FLG: variants seen among roughly 807,000 people sequenced by gnomAD.
FLG encodes the protein epidermal filaggrin.
A neutral mutation model predicts 3.8 loss-of-function variants in FLG; 6 were observed. That is an observed-to-expected ratio of 1.60 (90% confidence interval 0.87 to 3.15). FLG has a LOEUF of 3.15. FLG is among the 30% of genes most tolerant of loss of function. The pLI, the probability that FLG is intolerant of heterozygous loss-of-function variation, is 0.00. For missense variants in FLG, 7,595 were observed against 5,050.9 expected (o/e 1.50, Z -15.27); for synonymous variants, 2,551 against 1,931.6 (o/e 1.32, Z -8.41).
In FLG at chr1:152,307,117, T is replaced by A. The variant is rs1034363980; in HGVS notation, c.7769A>T (p.Asn2590Ile). ...SERWSGSASR[N>I]HHGSAQEQLR... ...CTGCTCCTGAGCAGATCCATGATGG[T>A]TTCTGGAAGCAGACCCAGACCACCT... Residue 2590 changes from asparagine (N) to isoleucine (I), a missense_variant, in exon 3 of 3, where the codon AAC becomes ATC. Coordinates refer to ENST00000368799, the MANE Select transcript of FLG (RefSeq NM_002016.2). The A allele has an allele frequency of 5.6e-6, 9 of 1,611,316 alleles. No homozygotes were observed. The highest frequency in any genetic ancestry group is 7.6e-6 in the Non-Finnish European group (9 of 1,179,782).
rs1438535752 is a variant in FLG at position 152,310,712 on chromosome 1, C to T, written c.4174G>A (p.Gly1392Ser). Residue 1392 changes from glycine to serine, a missense_variant, in exon 3 of 3, where the codon GGT becomes AGT. Physicochemically the swap from Gly to Ser is moderately conservative, Grantham distance 56 (BLOSUM62 0). Coordinates refer to ENST00000368799, the MANE Select transcript of FLG (RefSeq NM_002016.2). ...VRDSGHRGSS[G>S]SQVTNSEGHS... ...CCCTCACTGTTAGTGACCTGACTAC[C>T]ACTGGACCCTCGGTGTCCACTGTCT... 1 of 1,614,072 alleles carries T rather than the reference C, an allele frequency of 6.2e-7. No individual in the cohort carries two copies. The highest frequency in any genetic ancestry group is 1.7e-5 in the Admixed American group (1 of 60,020).
In FLG at chr1:152,310,501, G is replaced by A. The variant is rs1652328871; in HGVS notation, c.4385C>T (p.Thr1462Ile). The A allele has an allele frequency of 1.9e-6, 3 of 1,613,856 alleles. No individual in the cohort carries two copies. Among genetic ancestry groups the A allele is most frequent in the African/African-American group, 1.3e-5 (1 of 74,948 alleles). The change falls in exon 3 of 3, where the codon ACT (threonine) becomes ATT (isoleucine). Residue 1462 changes from threonine (T) to isoleucine (I), a missense_variant. Transcript: ENST00000368799. ...ATGGCGGGATCCTTGTCTTCCTCCA[G>A]TGCTGGGTGCAGTCTGTCCGTGTGT... ...ESTHGQTAPS[T>I]GGRQGSRHEQ... is the part of the protein sequence containing the mutation.
In FLG at chr1:152,312,336, T is replaced by C. The variant is rs891716066; in HGVS notation, c.2550A>G (p.Arg850=). 1 of 1,612,612 alleles carries C rather than the reference T, an allele frequency of 6.2e-7. No individual in the cohort carries two copies. The highest frequency in any genetic ancestry group is 8.5e-7 in the Non-Finnish European group (1 of 1,179,726). ...GCTCGTGGTGGGACCCCTGCCTTCC[T>C]CTTCTGCTTGACCCCGGGTGTCCAC... ...TIRGHPGSSR[R]GRQGSHHEQS... The change falls in exon 3 of 3, where the codon AGA becomes AGG. Residue 850 remains arginine (R), a synonymous_variant. Coordinates refer to ENST00000368799, the MANE Select transcript of FLG (RefSeq NM_002016.2).
In FLG at chr1:152,304,719, C is replaced by A. The variant is rs761102038; in HGVS notation, c.10167G>T (p.Gln3389His). ...RSGRSGSFLY[Q>H]VSTHEQSESA... ...ACTCAGACTGTTCATGAGTGCTCACCTGGTAGAGGAAAGACCCTGAACGTC... is the reference window on the plus strand; with the variant it reads ...ACTCAGACTGTTCATGAGTGCTCACATGGTAGAGGAAAGACCCTGAACGTC... The change falls in exon 3 of 3, where the codon CAG becomes CAT. Residue 3389 changes from glutamine (Q) to histidine (H), a missense_variant. Coordinates refer to ENST00000368799, the MANE Select transcript of FLG (RefSeq NM_002016.2). 3.1e-6 allele frequency: 5 copies of A among 1,613,304 alleles called. No homozygotes were observed. In the South Asian group the frequency reaches 5.5e-5, roughly 18 times the overall value.
rs77032592 is a variant in FLG at position 152,312,526 on chromosome 1, G to A, written c.2360C>T (p.Ser787Phe). Residue 787 changes from serine to phenylalanine, a missense_variant, in exon 3 of 3, where the codon TCT (serine) becomes TTT (phenylalanine). Ser to Phe is a radical substitution (Grantham distance 155). Transcript: ENST00000368799. ...ESARDRSGER[S>F]RRSGSFLYQV... ...GTAGAGGAAAGACCCTGAACGTCGA[G>A]ACCTTTCCCCTGACCGGTCACGTGC... is the stretch of plus-strand genomic sequence containing the variant. The A allele has an allele frequency of 1.8e-3, 2,915 of 1,613,590 alleles. 63 individuals are homozygous for A. In the African/African-American group the frequency reaches 0.035, roughly 19 times the overall value.
rs778425884 is a variant in FLG, at chr1:152,310,585, C to G, written c.4301G>C (p.Ser1434Thr). ...KESARGQSGE[S>T]SGRSRSFLYQ... Reference sequence around the variant, plus strand: ...GAGGAAAGACCTTGAACGTCCAGAGCTTTCCCCTGACTGGCCACGTGCGGA... The same window carrying G: ...GAGGAAAGACCTTGAACGTCCAGAGGTTTCCCCTGACTGGCCACGTGCGGA... Residue 1434 changes from serine to threonine, a missense_variant, in exon 3 of 3, where the codon AGC becomes ACC. Coordinates refer to ENST00000368799, the MANE Select transcript of FLG (RefSeq NM_002016.2). The G allele has an allele frequency of 5.0e-6, 8 of 1,613,992 alleles. No individual in the cohort carries two copies. The East Asian group carries it at 1.1e-4, about 22-fold the overall frequency.
intron 1 of FLG, among the ~76,000 whole-genome samples, chr1:152,317,860 C>T (rs887057980): frequency 6.6e-6 from 1 of 151,980 alleles, no homozygotes; most frequent in African/African-American, 2.4e-5. Context: ...AAAAATGTCG[C>T]ACACCCGTTA....
rs768072329 is a variant in FLG at position 152,305,059 on chromosome 1, G to A, written c.9827C>T (p.Thr3276Ile). Reference sequence around the variant, plus strand: ...ACCAGAGGAAGTCTCTGCGTGACGAGTGCCTGATTGTCTGGAGCGGTCTGC... The same window carrying A: ...ACCAGAGGAAGTCTCTGCGTGACGAATGCCTGATTGTCTGGAGCGGTCTGC... ...HSADRSRQSG[T>I]RHAETSSGGQ... The change falls in exon 3 of 3, where the codon ACT becomes ATT. Residue 3276 changes from threonine to isoleucine, a missense_variant. Transcript: ENST00000368799. 4 of 1,613,866 alleles carry A rather than the reference G, an allele frequency of 2.5e-6. No individual in the cohort carries two copies. Among genetic ancestry groups the A allele is most frequent in the Non-Finnish European group, 3.4e-6 (4 of 1,180,010 alleles).
chr1:152,305,249 A>T lies in FLG; in HGVS notation c.9637T>A (p.Ser3213Thr), dbSNP rs1386559420. 6.8e-6 allele frequency: 11 copies of T among 1,612,178 alleles called. No individual in the cohort carries two copies. The highest frequency in any genetic ancestry group is 1.3e-5 in the African/African-American group (1 of 74,428). ...CTGTCACTGTCCTGGCTCACACTGG[A>T]TCCCTGGCGCCTGCTTCTCCTGGAC... ...EGSRRSRRQG[S>T]SVSQDSDSEG... is the part of the protein sequence containing the mutation. Residue 3213 changes from serine to threonine, a missense_variant, in exon 3 of 3, where the codon TCC becomes ACC. Physicochemically the swap from Ser to Thr is moderately conservative, Grantham distance 58. Coordinates refer to ENST00000368799, the MANE Select transcript of FLG (RefSeq NM_002016.2).
rs752137913 is a variant in FLG at position 152,307,498 on chromosome 1, T to C, written c.7388A>G (p.His2463Arg). ...TCCACTGCTTGACCCCGGGTGTCCA[T>C]GAATGGTGTCCTGACCCTCTTGGGA... is the stretch of plus-strand genomic sequence containing the variant. Reference protein sequence around the residue: ...STSQEGQDTIHGHPGSSSGGR... With the variant: ...STSQEGQDTIRGHPGSSSGGR... Residue 2463 changes from histidine to arginine, a missense_variant, in exon 3 of 3, where the codon CAT (histidine) becomes CGT (arginine). By Grantham distance (29) the His-to-Arg change is conservative. Transcript: ENST00000368799. 71 of 1,613,084 alleles carry C rather than the reference T, an allele frequency of 4.4e-5. No homozygotes were observed. Among genetic ancestry groups the C allele is most frequent in the African/African-American group, 8.0e-5 (6 of 74,750 alleles).
In FLG at chr1:152,311,053, C is replaced by G. The variant is rs149757536; in HGVS notation, c.3833G>C (p.Arg1278Thr). Residue 1278 changes from arginine (R) to threonine (T), a missense_variant, in exon 3 of 3, where the codon AGA becomes ACA. Transcript: ENST00000368799. ...CAACCTCTCGGAGTCGTCTGAGTGT[C>G]TCTCACTGTCACTGTCCTGGCTAAC... ...SSVSQDSDSERHSDDSERLSG... is the reference protein window; with the variant it reads ...SSVSQDSDSETHSDDSERLSG... The G allele has an allele frequency of 5.8e-5, 93 of 1,613,876 alleles. No homozygotes were observed. In the African/African-American group the frequency reaches 1.1e-3, roughly 20 times the overall value.
In FLG at chr1:152,314,521, C is replaced by T; in HGVS notation, c.365G>A (p.Arg122Lys). ...TCTTTCCAGACTTGAGGGTCTTTTT[C>T]TGTTTTCTTTGTTTTCTTCCTGTTT... ...DNKQEENKEN[R>K]KRPSSLERRN... is the part of the protein sequence containing the mutation. Residue 122 changes from arginine (R) to lysine (K), a missense_variant, in exon 3 of 3, where the codon AGA (arginine) becomes AAA (lysine). By Grantham distance (26) the Arg-to-Lys change is conservative. Coordinates refer to ENST00000368799, the MANE Select transcript of FLG (RefSeq NM_002016.2). 1 of 1,613,270 alleles carries T rather than the reference C, an allele frequency of 6.2e-7. No individual in the cohort carries two copies. The highest frequency in any genetic ancestry group is 8.5e-7 in the Non-Finnish European group (1 of 1,179,832).
chr1:152,307,875 T>G lies in FLG; in HGVS notation c.7011A>C (p.Ser2337=), dbSNP rs779674078. Residue 2337 remains serine, a synonymous_variant, in exon 3 of 3, where the codon TCA becomes TCC. Transcript: ENST00000368799. ...GERHGSHHQQ[S]ADSSRHSGIG... ...TGCCTGAGTGTCTGGAGCTGTCTGC[T>G]GACTGCTGGTGGTGGGATCCGTGTC... is the stretch of plus-strand genomic sequence containing the variant. The G allele has an allele frequency of 6.2e-7, 1 of 1,613,040 alleles. No individual in the cohort carries two copies. The highest frequency in any genetic ancestry group is 1.3e-5 in the African/African-American group (1 of 74,728).
At chr1:152,324,185 C>G (rs979538320) in intron 1 of FLG, among the ~76,000 whole-genome samples, 7 of 151,788 alleles carry the variant, frequency 4.6e-5, no homozygotes, top group Admixed American at 4.6e-4. Flanking sequence ...CCTGCTCTTG[C>G]CTTCCTATAT....
In FLG at chr1:152,307,969, T is replaced by A; in HGVS notation, c.6917A>T (p.His2306Leu). ...AESSRQSGTH[H>L]AENSSGGQAA... ...CTGTCCACCAGAGGAATTCTCTGCATGATGAGTGCCTGATTGTCTGGAGCT... is the reference window on the plus strand; with the variant it reads ...CTGTCCACCAGAGGAATTCTCTGCAAGATGAGTGCCTGATTGTCTGGAGCT... Residue 2306 changes from histidine to leucine, a missense_variant, in exon 3 of 3, where the codon CAT becomes CTT. Transcript: ENST00000368799. 6.2e-7 allele frequency: 1 copy of A among 1,614,180 alleles called. No individual in the cohort carries two copies. The highest frequency in any genetic ancestry group is 1.1e-5 in the South Asian group (1 of 91,090).
rs1389063817 is a variant in FLG at position 152,312,437 on chromosome 1, T to A, written c.2449A>T (p.Arg817Ter). ...GCCTGCTCATGGTGGGATCCTTGTC[T>A]TACTCCAGTGCTGGGCCCTGTCCAT... ...HGWTGPSTGV[R>*]QGSHHEQARD... The change falls in exon 3 of 3, where the codon AGA (arginine) becomes TGA (stop). Residue 817 changes from arginine to a stop codon, truncating the protein, a stop_gained. Transcript: ENST00000368799. LOFTEE classifies it low-confidence loss of function (END_TRUNC). The A allele has an allele frequency of 1.9e-6, 3 of 1,613,584 alleles. No individual in the cohort carries two copies. The highest frequency in any genetic ancestry group is 2.2e-5 in the South Asian group (2 of 91,012).
Position 152,314,402 on chromosome 1 carries a change from T to C in FLG, c.484A>G (p.Lys162Glu), listed in dbSNP as rs773700422. The C allele has an allele frequency of 2.5e-6, 4 of 1,613,294 alleles. No individual in the cohort carries two copies. The African/African-American group carries it at 5.3e-5, about 22-fold the overall frequency. Residue 162 changes from lysine to glutamate, a missense_variant, in exon 3 of 3, where the codon AAA (lysine) becomes GAA (glutamate). By Grantham distance (56) the Lys-to-Glu change is moderately conservative (BLOSUM62 1). Coordinates refer to ENST00000368799, the MANE Select transcript of FLG (RefSeq NM_002016.2). The part of the protein sequence containing the change: ...HESSSEKKER[K>E]GYSPTHREEE... ...TCTCTATGAGTAGGTGAATATCCTT[T>C]TCTTTCTTTTTTTTCAGAACTAGAT...
intron 1 of FLG, among the ~76,000 whole-genome samples, chr1:152,321,279 T>A (rs542937525): frequency 2.7e-5 from 4 of 150,802 alleles, no homozygotes; most frequent in African/African-American, 9.7e-5. Flanking sequence ...TTTCAAGAAG[T>A]TTTAAAAAGA....
Position 152,313,250 on chromosome 1 carries a change from G to A in FLG, c.1636C>T (p.His546Tyr). 1 of 1,613,924 alleles carries A rather than the reference G, an allele frequency of 6.2e-7. No homozygotes were observed. The highest frequency in any genetic ancestry group is 8.5e-7 in the Non-Finnish European group (1 of 1,180,020). Residue 546 changes from histidine to tyrosine, a missense_variant, in exon 3 of 3, where the codon CAC (histidine) becomes TAC (tyrosine). Coordinates refer to ENST00000368799, the MANE Select transcript of FLG (RefSeq NM_002016.2). ...CTTCCCTGGGATGTGGTGTGGCTGTGATGGGAACCTGAGTGTCCAGACCTA... is the reference window on the plus strand; with the variant it reads ...CTTCCCTGGGATGTGGTGTGGCTGTAATGGGAACCTGAGTGTCCAGACCTA... ...VNRSGHSGSH[H>Y]SHTTSQGRSD...
Sources: gnomAD v4.1 joint callset for allele counts (sites outside exome capture counted in the v4.1 genomes callset) on GRCh38, gnomAD v4.1.1 for gene constraint, MANE v1.5 for transcripts, NCBI Gene and HGNC (gene_info 2026-07-23, HGNC 2026-07-21) for gene names.